L1CAM: variants seen among roughly 807,000 people sequenced by gnomAD.
L1CAM encodes L1 cell adhesion molecule, also known as neural cell adhesion molecule L1.
Under a neutral mutation model 93.0 loss-of-function variants are expected in L1CAM, and 8 were observed. The observed-to-expected ratio is 0.09, with a 90% CI of 0.05 to 0.16. The LOEUF (loss-of-function observed/expected upper bound fraction) is 0.16, where lower values mean the gene tolerates loss of function less well. L1CAM is among the 10% of genes least tolerant of loss of function. L1CAM has a pLI of 1.00. For missense variants in L1CAM, 777 were observed against 1,073.4 expected (o/e 0.72, Z 3.86); for synonymous variants, 453 against 453.0 (o/e 1.00, Z 0.00).
At chrX:153,882,299 C>T (rs914776727) in intron 1 of L1CAM, among the ~76,000 whole-genome samples, 1 of 110,872 alleles carries the variant, frequency 9.0e-6, no homozygotes, top group African/African-American at 3.3e-5. Flanking sequence ...GGGAACCCCC[C>T]TCCACTGAAG....
At chrX:153,872,803 G>A (rs2064784277) in intron 3 of L1CAM, 106 bp from the exon 4 acceptor site, 2 of 650,992 alleles carry the variant, frequency 3.1e-6, no homozygotes, top group East Asian at 6.6e-5. Flanking sequence ...GCCCCTGGAG[G>A]CCCCATGGCC....
At chrX:153,878,926 G>T (rs1037283440) in intron 1 of L1CAM, among the ~76,000 whole-genome samples, 1 of 109,799 alleles carries the variant, frequency 9.1e-6, no homozygotes, top group Non-Finnish European at 1.9e-5. Flanking sequence ...CCCAGTATTT[G>T]CCACCTAGCT....
intron 2 of L1CAM, 190 bp downstream of exon 2, chrX:153,875,571 C>T (rs111740820): frequency 9.7e-6 from 5 of 517,918 alleles, no homozygotes; most frequent in South Asian, 2.5e-5. Flanking sequence ...TGACACGCCC[C>T]GCACCTTCTA....
At chrX:153,866,332 G>T (rs1195164114) in intron 19 of L1CAM, among the ~76,000 whole-genome samples, 18 of 98,088 alleles carry the variant, frequency 1.8e-4, no homozygotes, top group Admixed American at 7.7e-4. Flanking sequence ...AAAAAAGAAA[G>T]AAAAGAAAAG....
chrX:153,868,791 C>A (rs1557092009), intron 12 of L1CAM, 50 bp downstream of exon 12: 5 of 1,203,059 alleles, frequency 4.2e-6, no homozygotes, highest in Non-Finnish European at 5.6e-6. Context: ...CTCCCTGGCT[C>A]CCTGGCCACT....
chrX:153,867,239 C>T (rs1229937189), intron 17 of L1CAM, 115 bp from the exon 18 acceptor site: 15 of 981,911 alleles, frequency 1.5e-5, no homozygotes, highest in East Asian at 3.1e-5. Context: ...AGCCCCCTCG[C>T]GCTCCCCCTG....
In L1CAM at chrX:153,867,514, T is replaced by G. The variant is rs1557091382; in HGVS notation, c.1979A>C (p.Glu660Ala). ...AACCTTGCCCAGACTGTACCATTTT[T>G]CAGGCGCCATTTCCTTGTCCTCAAA... Reference protein sequence around the residue: ...IEFEDKEMAPEKWYSLGKVPG... With the variant: ...IEFEDKEMAPAKWYSLGKVPG... The change falls in exon 17 of 29, where the codon GAA (glutamate) becomes GCA (alanine). Residue 660 changes from glutamate (E) to alanine (A), a missense_variant. Physicochemically the swap from Glu to Ala is moderately radical, Grantham distance 107. Transcript: ENST00000370060. 9.9e-6 allele frequency: 12 copies of G among 1,210,078 alleles called. No individual in the cohort carries two copies. The Admixed American group carries it at 2.6e-4, about 26-fold the overall frequency.
chrX:153,884,054 C>A, intron 1 of L1CAM: 1 of 427,513 alleles, frequency 2.3e-6, no homozygotes, highest in Non-Finnish European at 4.0e-6. Context: ...ACTGTAGGAG[C>A]CCTCAGGCCA....
Position 153,862,078 on chromosome X carries a change from A to C in L1CAM, c.*585T>G. 8.7e-6 allele frequency: 1 copy of C among 114,778 alleles called. No homozygotes were observed. Among genetic ancestry groups the C allele is most frequent in the Non-Finnish European group, 1.9e-5 (1 of 53,908 alleles). 9.5% of individuals were successfully genotyped at this position (114,778 alleles called of 1,213,427 possible). A position where few individuals can be genotyped will look rare whatever the true frequency, so the allele number is the denominator to read the frequency against. ...CCATGGGGTGGGCTGGGCGGCGGGA[A>C]GAGGCGGTGCTGCCAGAGTGCGATG... On this transcript the variant is annotated 3_prime_UTR_variant, in exon 29 of 29. Coordinates refer to ENST00000370060, the MANE Select transcript of L1CAM (RefSeq NM_001278116.2).
At chrX:153,867,307 C>A in intron 17 of L1CAM, 49 bp downstream of exon 17, 1 of 1,111,608 alleles carries the variant, frequency 9.0e-7, no homozygotes, top group Non-Finnish European at 1.2e-6. Context: ...CCCTTCACAG[C>A]CCGGAGCCCC....
rs35902890 is a variant in L1CAM, at chrX:153,865,088, G to A, written c.2872C>T (p.Leu958=). ...TTCCCTGCTGGGGCGGCGCACGCACGGGGGTGGTAGGAGAGCACGTAGCCG... is the reference window on the plus strand; with the variant it reads ...TTCCCTGCTGGGGCGGCGCACGCACAGGGGTGGTAGGAGAGCACGTAGCCG... ...LTGYVLSYHP[L]DEGGKGQLSF... The change falls in exon 22 of 29, where the codon CTG becomes TTG. Residue 958 remains leucine (L), a splice_region_variant and synonymous_variant. Coordinates refer to ENST00000370060, the MANE Select transcript of L1CAM (RefSeq NM_001278116.2). The A allele has an allele frequency of 3.3e-6, 4 of 1,210,965 alleles. No individual in the cohort carries two copies. Among genetic ancestry groups the A allele is most frequent in the African/African-American group, 1.7e-5 (1 of 57,984 alleles).
At chrX:153,874,890 C>T (rs2064801347) in intron 2 of L1CAM, among the ~76,000 whole-genome samples, 1 of 112,227 alleles carries the variant, frequency 8.9e-6, no homozygotes, top group African/African-American at 3.2e-5. Flanking sequence ...TTACATTCAG[C>T]CCCACTCACA....
chrX:153,864,314 C>T lies in L1CAM; in HGVS notation c.3322+8G>A, dbSNP rs200991619. ...CTGGCAGGTGATGGCGGGCCCCCGG[C>T]GCCTCACCTGTGCCATTGGTCTTCA... On this transcript the variant is annotated splice_region_variant and intron_variant, in intron 25 of 28. Transcript: ENST00000370060. 32 of 1,208,328 alleles carry T rather than the reference C, an allele frequency of 2.6e-5. No individual in the cohort carries two copies. The highest frequency in any genetic ancestry group is 5.2e-5 in the African/African-American group (3 of 57,295).
At chrX:153,872,956 C>T in intron 3 of L1CAM, 1 of 450,208 alleles carries the variant, frequency 2.2e-6, no homozygotes, top group South Asian at 3.3e-5. Context: ...GCAACAAAAG[C>T]CAAGACACAG....
rs201886318 is a variant in L1CAM, at chrX:153,872,297, G to A, written c.255C>T (p.Thr85=). ...AGCCAGAGTGGGGCGACTGGTACAC[G>A]GTCACACCCAGCTCTTCCTTGGGTT... ...HFKPKEELGV[T]VYQSPHSGSF... Residue 85 remains threonine (T), a synonymous_variant, in exon 5 of 29, where the codon ACC becomes ACT. Coordinates refer to ENST00000370060, the MANE Select transcript of L1CAM (RefSeq NM_001278116.2). 16 of 1,204,182 alleles carry A rather than the reference G, an allele frequency of 1.3e-5. No individual in the cohort carries two copies. The highest frequency in any genetic ancestry group is 1.8e-5 in the South Asian group (1 of 56,225).
intron 3 of L1CAM, 169 bp from the exon 4 acceptor site, chrX:153,872,866 G>T: frequency 2.1e-6 from 1 of 486,337 alleles, no homozygotes; most frequent in South Asian, 2.9e-5. Flanking sequence ...GACATGAAAA[G>T]AGGGAGAGAG....
In L1CAM at chrX:153,885,038, G is replaced by T. The variant is rs147581250; in HGVS notation, c.-109+1027C>A. 4.6e-3 allele frequency among the ~76,000 whole-genome samples: 515 copies of T among 112,195 alleles called. 5 individuals carry two copies. The highest frequency in any genetic ancestry group is 0.015 in the African/African-American group (452 of 30,768). ...TAGGCCTGCCTTCCTGAGAGGGACA[G>T]TGATAGGTGGGGGGTCCAGATACCC... On this transcript the variant is annotated intron_variant, in intron 1 of 28. Transcript: ENST00000370060.
chrX:153,877,944 T>C (rs782516443), intron 1 of L1CAM, among the ~76,000 whole-genome samples: 2 of 112,341 alleles, frequency 1.8e-5, no homozygotes, highest in Admixed American at 1.9e-4. Context: ...ACCGGCCATG[T>C]CCATATTCAC....
At chrX:153,882,659 C>A (rs2064851592) in intron 1 of L1CAM, among the ~76,000 whole-genome samples, 1 of 110,694 alleles carries the variant, frequency 9.0e-6, no homozygotes, top group African/African-American at 3.3e-5. Flanking sequence ...CTCTCAGACC[C>A]GCACTGGGAT....
Sources: allele counts gnomAD v4.1 joint callset (sites outside exome capture counted in the v4.1 genomes callset), GRCh38; gene constraint gnomAD v4.1.1; transcripts MANE v1.5; gene names NCBI Gene and HGNC (gene_info 2026-07-23, HGNC 2026-07-21).